ZBTB40: variants seen among roughly 807,000 people sequenced by gnomAD.
ZBTB40 encodes the protein zinc finger and BTB domain-containing protein 40.
A neutral mutation model predicts 117.5 loss-of-function variants in ZBTB40; 60 were observed. The observed-to-expected ratio is 0.51, with a 90% CI of 0.41 to 0.63. The LOEUF is 0.63. ZBTB40 is among the 30% of genes least tolerant of loss of function. The probability of loss-of-function intolerance (pLI) is 0.00; values close to 1 mark genes in which losing one functional copy is unlikely to be tolerated. For missense variants in ZBTB40, 1,287 were observed against 1,498.5 expected (o/e 0.86, Z 2.33); for synonymous variants, 525 against 577.1 (o/e 0.91, Z 1.29).
At chr1:22,511,579 G>A in intron 10 of ZBTB40, 97 bp from the exon 11 acceptor site, 2 of 1,368,346 alleles carry the variant, frequency 1.5e-6, no homozygotes, top group Non-Finnish European at 2.0e-6. Context: ...AGGATCTCAA[G>A]TAGTCTCTAG....
chr1:22,512,674 G>T lies in ZBTB40; in HGVS notation c.2462-250G>T, dbSNP rs1177635873. On this transcript the variant is annotated intron_variant, in intron 11 of 17. Coordinates refer to ENST00000375647, the MANE Select transcript of ZBTB40 (RefSeq NM_014870.4). The stretch of plus-strand genomic sequence containing the variant: ...TTAAGAGAGAGAAGGGAATGGGGAA[G>T]ATAAGCCCAGCATTACTTTCCACCG... Among the ~76,000 whole-genome samples, 6 of 152,208 alleles carry T rather than the reference G, an allele frequency of 3.9e-5. No individual in the cohort carries two copies. In the East Asian group the frequency reaches 1.2e-3, roughly 29 times the overall value.
At chr1:22,491,562 T>C (rs770976386) in intron 3 of ZBTB40, 29 bp downstream of exon 3, 1 of 1,613,136 alleles carries the variant, frequency 6.2e-7, no homozygotes, top group Non-Finnish European at 8.5e-7. Context: ...TGTACTTGTT[T>C]GCTAGTTTAG....
chr1:22,506,176 C>T lies in ZBTB40; in HGVS notation c.1295C>T (p.Thr432Ile), dbSNP rs1639071458. Residue 432 changes from threonine (T) to isoleucine (I), a missense_variant, in exon 6 of 18, where the codon ACT becomes ATT. Thr to Ile is a moderately conservative substitution (Grantham distance 89). This residue lies in a region of ZBTB40 where 870 missense variants were observed against 934.4 expected (regional missense o/e 0.93). Coordinates refer to ENST00000375647, the MANE Select transcript of ZBTB40 (RefSeq NM_014870.4). ...AAACTCCTCCAGGCTGTGAAGACGA[C>T]TTTCCCAAACCTGGGCCTTCTGCTA... ...LVKLLQAVKT[T>I]FPNLGLLLEK... 2.5e-6 allele frequency: 4 copies of T among 1,614,056 alleles called. No individual in the cohort carries two copies. The highest frequency in any genetic ancestry group is 2.5e-6 in the Non-Finnish European group (3 of 1,180,026).
In ZBTB40 at chr1:22,521,588, G is replaced by T. The variant is rs1245968311; in HGVS notation, c.3141G>T (p.Gln1047His). The part of the protein sequence containing the change: ...NHRSSKFSSL[Q>H]CSSCDKTFPN... ...GATCTTCCAAGTTCTCATCACTCCA[G>T]TGCAGCTCCTGTGACAAAACCTTCC... Residue 1047 changes from glutamine to histidine, a missense_variant, in exon 15 of 18, where the codon CAG becomes CAT. Coordinates refer to ENST00000375647, the MANE Select transcript of ZBTB40 (RefSeq NM_014870.4). The T allele has an allele frequency of 1.2e-6, 2 of 1,614,184 alleles. No homozygotes were observed. Among genetic ancestry groups the T allele is most frequent in the Non-Finnish European group, 8.5e-7 (1 of 1,180,034 alleles).
chr1:22,432,885 C>T (rs140060423), intron 1 of ZBTB40, among the ~76,000 whole-genome samples: 49 of 152,300 alleles, frequency 3.2e-4, no homozygotes, highest in African/African-American at 1.2e-3. Flanking sequence ...TTGAATGTAT[C>T]GTCTAAGTGC....
rs369787000 is a variant in ZBTB40, at chr1:22,435,997, T to A, written c.-70+6983T>A. 8.1e-4 allele frequency among the ~76,000 whole-genome samples: 122 copies of A among 150,588 alleles called. 1 individual carries two copies. The highest frequency in any genetic ancestry group is 2.8e-3 in the African/African-American group (116 of 41,042). On this transcript the variant is annotated intron_variant, in intron 1 of 8. Coordinates refer to the ZBTB40 transcript ENST00000650433. ...GAGGCTGAGGCAGGAGAATCATAAC[T>A]GACAACACCAACTGTTGATGAGGAT...
chr1:22,430,111 A>G (rs558156779), intron 1 of ZBTB40, among the ~76,000 whole-genome samples: 3 of 152,362 alleles, frequency 2.0e-5, no homozygotes, highest in African/African-American at 7.2e-5. Flanking sequence ...TCTTGTATCT[A>G]TTAAAACATT....
intron 1 of ZBTB40, among the ~76,000 whole-genome samples, chr1:22,431,245 C>CATATACGATATTGTATATATTGAAT (rs1640576809): frequency 2.2e-5 from 2 of 90,780 alleles, no homozygotes; most frequent in African/African-American, 1.9e-4. Context: ...ATATAGTATG[C>CATATACGATATTGTATATATTGAAT]ATATACAATA....
intron 1 of ZBTB40, among the ~76,000 whole-genome samples, chr1:22,470,109 A>G (rs1049549564): frequency 2.0e-5 from 3 of 152,336 alleles, no homozygotes; most frequent in Admixed American, 2.0e-4. Flanking sequence ...ATACTGGCTT[A>G]AAAGCTCAGA....
At chr1:22,487,855 A>G (rs954965206) in intron 1 of ZBTB40, among the ~76,000 whole-genome samples, 1 of 152,018 alleles carries the variant, frequency 6.6e-6, no homozygotes, top group African/African-American at 2.4e-5. Flanking sequence ...CATGGCCTAT[A>G]TATCCCTCTG....
chr1:22,503,051 T>A (rs536437742), intron 5 of ZBTB40, among the ~76,000 whole-genome samples: 3 of 152,060 alleles, frequency 2.0e-5, no homozygotes, highest in Admixed American at 2.0e-4. Flanking sequence ...TTACCTAATA[T>A]CTTAATACAT....
chr1:22,484,688 A>G (rs866399066), intron 1 of ZBTB40, among the ~76,000 whole-genome samples: 1 of 152,226 alleles, frequency 6.6e-6, no homozygotes, highest in African/African-American at 2.4e-5. Context: ...GTTTAAGATC[A>G]GTGGTGAACT....
At chr1:22,489,327 G>A (rs546923322) in intron 1 of ZBTB40, among the ~76,000 whole-genome samples, 43 of 152,282 alleles carry the variant, frequency 2.8e-4, no homozygotes, top group African/African-American at 9.4e-4. Flanking sequence ...CAACCAAGGA[G>A]ACTGGGAAGG....
In ZBTB40 at chr1:22,520,100, G is replaced by T; in HGVS notation, c.2873G>T (p.Ser958Ile). The change falls in exon 14 of 18, where the codon AGT (serine) becomes ATT (isoleucine). Residue 958 changes from serine (S) to isoleucine (I), a missense_variant. Physicochemically the swap from Ser to Ile is moderately radical, Grantham distance 142. Transcript: ENST00000375647. ...TATGACTGCAAGAAGTGCAGGATGAGTTTCCCCACTCTTCAGGATCACCGG... is the reference window on the plus strand; with the variant it reads ...TATGACTGCAAGAAGTGCAGGATGATTTTCCCCACTCTTCAGGATCACCGG... ...DPYDCKKCRM[S>I]FPTLQDHRKH... 1.2e-6 allele frequency: 2 copies of T among 1,614,198 alleles called. No individual in the cohort carries two copies. The highest frequency in any genetic ancestry group is 1.7e-6 in the Non-Finnish European group (2 of 1,180,038).
intron 1 of ZBTB40, among the ~76,000 whole-genome samples, chr1:22,462,869 A>T (rs968060882): frequency 4.6e-5 from 7 of 152,232 alleles, no homozygotes; most frequent in Non-Finnish European, 1.0e-4. Flanking sequence ...TTTTAAAAAA[A>T]TTATGTGACA....
At chr1:22,509,286 G>T in intron 9 of ZBTB40, 53 bp downstream of exon 9, 1 of 1,612,146 alleles carries the variant, frequency 6.2e-7, no homozygotes, top group Non-Finnish European at 8.5e-7. Flanking sequence ...TTGTTGCCTG[G>T]GACTGTCTTC....
chr1:22,431,285 A>G (rs1640580327), intron 1 of ZBTB40, among the ~76,000 whole-genome samples: 1 of 145,682 alleles, frequency 6.9e-6, no homozygotes, highest in Admixed American at 7.2e-5. Context: ...ACAATATTGT[A>G]TATATTGAAT....
intron 1 of ZBTB40, among the ~76,000 whole-genome samples, chr1:22,474,782 A>G (rs1402615992): frequency 6.6e-6 from 1 of 152,184 alleles, no homozygotes; most frequent in Non-Finnish European, 1.5e-5. Flanking sequence ...TTGGTCATGC[A>G]ACAAGAGTAT....
intron 1 of ZBTB40, among the ~76,000 whole-genome samples, chr1:22,477,625 G>C (rs1161996322): frequency 6.7e-6 from 1 of 149,374 alleles, no homozygotes; most frequent in Non-Finnish European, 1.5e-5. Context: ...CTCCAGCCTG[G>C]TCATCAGAGC....
Sources: gnomAD v4.1 joint callset for allele counts (sites outside exome capture counted in the v4.1 genomes callset) on GRCh38, gnomAD v4.1.1 for gene constraint, gnomAD v4.1.1 regional missense constraint, MANE v1.5 for transcripts, NCBI Gene and HGNC (gene_info 2026-07-23, HGNC 2026-07-21) for gene names.